Variants in ZC2HC1A observed in about 807,000 individuals in gnomAD.
ZC2HC1A encodes zinc finger C2HC-type containing 1A.
In ZC2HC1A, 28 loss-of-function variants were observed where a neutral mutation model predicts 40.7. The observed-to-expected ratio is 0.69, with a 90% CI of 0.51 to 0.94. The LOEUF (loss-of-function observed/expected upper bound fraction) is 0.94. ZC2HC1A is among the 40% of genes least tolerant of loss of function. The pLI is 0.00. For missense variants in ZC2HC1A, 389 were observed against 386.3 expected (o/e 1.01, Z -0.06); for synonymous variants, 129 against 129.2 (o/e 1.00, Z 0.01).
intron 3 of ZC2HC1A, among the ~76,000 whole-genome samples, chr8:78,683,461 C>A (rs1038241597): frequency 6.6e-6 from 1 of 152,230 alleles, no homozygotes; most frequent in African/African-American, 2.4e-5. Flanking sequence ...CCTCTGAAGC[C>A]ATGGCTCAAC....
intron 7 of ZC2HC1A, among the ~76,000 whole-genome samples, chr8:78,703,414 T>G (rs2130570762): frequency 6.6e-6 from 1 of 152,316 alleles, no homozygotes; most frequent in Non-Finnish European, 1.5e-5. Flanking sequence ...AGTCTAAGTC[T>G]CATTGAAGGT....
chr8:78,696,813 G>A (rs1241308651), intron 5 of ZC2HC1A, among the ~76,000 whole-genome samples: 1 of 152,106 alleles, frequency 6.6e-6, no homozygotes, highest in Non-Finnish European at 1.5e-5. Context: ...TAGGAAATAT[G>A]GCTGAATTAT....
chr8:78,683,856 T>C (rs1809868266), intron 3 of ZC2HC1A, among the ~76,000 whole-genome samples: 1 of 152,210 alleles, frequency 6.6e-6, no homozygotes, highest in African/African-American at 2.4e-5. Flanking sequence ...AAATCATCTT[T>C]CCCAAGTTTA....
At position 78,717,603 on chromosome 8, in the gene ZC2HC1A, C is replaced by T; in HGVS notation, c.*110C>T. On this transcript the variant is annotated 3_prime_UTR_variant, in exon 9 of 9. Transcript: ENST00000263849. ...TTTGTGCTAAAAATACTCGAAATAC[C>T]ATTTCCAGTTAATTTTGAAGTGTAA... The T allele has an allele frequency of 3.3e-6, 4 of 1,204,798 alleles. No individual in the cohort carries two copies. The highest frequency in any genetic ancestry group is 1.6e-5 in the South Asian group (1 of 62,844). The allele number at this position is 1,204,798 out of a possible 1,614,324, so 74.6% of individuals were successfully genotyped here. A position where few individuals can be genotyped will look rare whatever the true frequency, so the allele number is the denominator to read the frequency against.
chr8:78,683,056 A>G (rs1307060612), intron 3 of ZC2HC1A, among the ~76,000 whole-genome samples: 1 of 152,130 alleles, frequency 6.6e-6, no homozygotes, highest in African/African-American at 2.4e-5. Flanking sequence ...GGGCAGCTCT[A>G]CCCCTTTGTC....
intron 7 of ZC2HC1A, among the ~76,000 whole-genome samples, chr8:78,713,113 A>G (rs1048162879): frequency 9.9e-5 from 15 of 152,172 alleles, no homozygotes; most frequent in Non-Finnish European, 5.9e-5. Flanking sequence ...ATTAAGTACA[A>G]TTCCAAAATT....
intron 8 of ZC2HC1A, among the ~76,000 whole-genome samples, chr8:78,715,775 C>T (rs990413901): frequency 1.3e-5 from 2 of 152,114 alleles, no homozygotes; most frequent in East Asian, 1.9e-4. Context: ...TGTGGTGGCT[C>T]ACGCCTGTAA....
intron 7 of ZC2HC1A, among the ~76,000 whole-genome samples, chr8:78,712,265 T>C (rs1319865649): frequency 1.3e-5 from 2 of 152,188 alleles, no homozygotes; most frequent in Non-Finnish European, 2.9e-5. Flanking sequence ...TTAAAACATT[T>C]TGATTTTTAG....
intron 1 of ZC2HC1A, among the ~76,000 whole-genome samples, chr8:78,672,389 T>C (rs1306260975): frequency 6.6e-6 from 1 of 152,124 alleles, no homozygotes; most frequent in African/African-American, 2.4e-5. Flanking sequence ...ATGTATAAAA[T>C]AACAATTCAA....
chr8:78,670,826 T>A (rs1479593689), intron 1 of ZC2HC1A, among the ~76,000 whole-genome samples: 1 of 152,058 alleles, frequency 6.6e-6, no homozygotes, highest in East Asian at 1.9e-4. Context: ...GGATGAAGGT[T>A]GTGTGTTGAG....
intron 5 of ZC2HC1A, among the ~76,000 whole-genome samples, chr8:78,691,946 A>C (rs1004861948): frequency 1.3e-5 from 2 of 152,274 alleles, no homozygotes; most frequent in South Asian, 4.1e-4. Flanking sequence ...ATGGGGTACA[A>C]AGTGATACCA....
intron 1 of ZC2HC1A, among the ~76,000 whole-genome samples, chr8:78,672,745 A>G (rs766632108): frequency 2.0e-5 from 3 of 152,112 alleles, no homozygotes; most frequent in Non-Finnish European, 2.9e-5. Context: ...CTTTTTGCCC[A>G]CTGGTAACTC....
chr8:78,715,957 T>C (rs1191999093), intron 8 of ZC2HC1A, among the ~76,000 whole-genome samples: 2 of 149,912 alleles, frequency 1.3e-5, no homozygotes, highest in Non-Finnish European at 3.0e-5. Context: ...GGAGAATTGC[T>C]TGAACCTGGG....
At chr8:78,667,723 CT>C (rs1470209130) in intron 1 of ZC2HC1A, among the ~76,000 whole-genome samples, 1 of 152,046 alleles carries the variant, frequency 6.6e-6, no homozygotes, top group Non-Finnish European at 1.5e-5. Context: ...AATGATAAAG[CT>C]TTACTCTCAT....
chr8:78,684,403 GAGA>G lies in ZC2HC1A; in HGVS notation c.211-2063_211-2061del, dbSNP rs576367735. 1.2e-3 allele frequency among the ~76,000 whole-genome samples: 185 copies of G among 152,314 alleles called. 1 individual carries two copies. The highest frequency in any genetic ancestry group is 4.2e-3 in the African/African-American group (176 of 41,572). On this transcript the variant is annotated intron_variant, in intron 3 of 8. Coordinates refer to ENST00000263849, the MANE Select transcript of ZC2HC1A (RefSeq NM_016010.3). ...CCTTTGTAAAACCATCAGATCTCATGAGACTCATTCACTGTCATGAGGACGGCA... is the reference window on the plus strand; with the variant it reads ...CCTTTGTAAAACCATCAGATCTCATGCTCATTCACTGTCATGAGGACGGCA...
intron 4 of ZC2HC1A, among the ~76,000 whole-genome samples, chr8:78,688,297 G>A (rs955572077): frequency 2.0e-5 from 3 of 152,054 alleles, no homozygotes; most frequent in African/African-American, 7.2e-5. Flanking sequence ...GAGGGTACCA[G>A]TTCTTCAGGA....
intron 6 of ZC2HC1A, among the ~76,000 whole-genome samples, 176 bp downstream of exon 6, chr8:78,697,682 CTT>C (rs370060109): frequency 6.2e-4 from 87 of 139,482 alleles, no homozygotes; most frequent in Admixed American, 7.9e-4. Flanking sequence ...TACTTTTAAC[CTT>C]TTTTTTTTTT....
At chr8:78,693,764 T>C (rs1352855586) in intron 5 of ZC2HC1A, among the ~76,000 whole-genome samples, 2 of 152,234 alleles carry the variant, frequency 1.3e-5, no homozygotes, top group African/African-American at 4.8e-5. Flanking sequence ...ATTTTGGCTT[T>C]TGTTGCCATT....
chr8:78,708,457 C>T (rs569102564), intron 7 of ZC2HC1A, among the ~76,000 whole-genome samples: 2 of 152,022 alleles, frequency 1.3e-5, no homozygotes, highest in Non-Finnish European at 2.9e-5. Context: ...GTGGGAGAGT[C>T]GCTTGAACCC....
Sources: gnomAD v4.1 joint callset for allele counts (sites outside exome capture counted in the v4.1 genomes callset) on GRCh38, gnomAD v4.1.1 for gene constraint, MANE v1.5 for transcripts, NCBI Gene and HGNC (gene_info 2026-07-23, HGNC 2026-07-21) for gene names.